The following DNAH14 variants were observed in gnomAD, a reference collection of about 807,000 sequenced individuals.
The protein encoded by DNAH14 is axonemal beta dynein heavy chain 14.
Under a neutral mutation model 520.9 loss-of-function variants are expected in DNAH14, and 478 were observed. That is an observed-to-expected ratio of 0.92 (90% CI 0.85 to 0.99). DNAH14 has a LOEUF of 0.99. Among genes scored for constraint, DNAH14 ranks in the 50% least tolerant of loss-of-function variants. DNAH14 has a pLI of 0.00. For missense variants in DNAH14, 4,831 were observed against 5,234.5 expected, an observed-to-expected ratio of 0.92 and a Z score of 2.38; for synonymous variants, 1,581 against 1,757.2, an observed-to-expected ratio of 0.90 and a Z score of 2.51.
At chr1:225,027,895 C>T (rs1002449684) in intron 11 of DNAH14, among the ~76,000 whole-genome samples, 2 of 151,664 alleles carry the variant, frequency 1.3e-5, no homozygotes, top group African/African-American at 2.4e-5. Flanking sequence ...TTGAGATGAC[C>T]GTATGTCTTT....
Position 224,951,644 on chromosome 1 carries a change from ATTT to A in DNAH14, c.-33-1004_-33-1002del, listed in dbSNP as rs67437504. ...TCATACCTACTGTGTAGATTTCTGG[ATTT>A]TTTTTTTTTTTTTTTTTTTTTGAGA... is the stretch of plus-strand genomic sequence containing the variant. On this transcript the variant is annotated intron_variant, in intron 1 of 85. Transcript: ENST00000682510. Among the ~76,000 whole-genome samples, 94 of 80,152 alleles carry A rather than the reference ATTT, an allele frequency of 1.2e-3. No homozygotes were observed. In the East Asian group the frequency reaches 0.017, roughly 15 times the overall value. 52.6% of individuals were successfully genotyped at this position (80,152 alleles called of 152,430 possible).
chr1:225,178,426 T>TC lies in DNAH14; in HGVS notation c.5536-6864dup, dbSNP rs563325720. ...AGATCTCATGAGACTTAATTCACTA[T>TC]CACAGGAATAGCAAGGGAAAGACGA... On this transcript the variant is annotated intron_variant, in intron 36 of 85. Transcript: ENST00000682510. Among the ~76,000 whole-genome samples, 16 of 152,214 alleles carry TC rather than the reference T, an allele frequency of 1.1e-4. 1 individual carries two copies. In the South Asian group the frequency reaches 3.3e-3, roughly 32 times the overall value.
intron 21 of DNAH14, among the ~76,000 whole-genome samples, chr1:225,095,691 G>A (rs751567930): frequency 7.9e-5 from 12 of 152,046 alleles, no homozygotes; most frequent in African/African-American, 1.9e-4. Flanking sequence ...GTAACAATAC[G>A]GATCAATCTC....
chr1:225,042,225 A>G (rs1216280196), intron 12 of DNAH14, among the ~76,000 whole-genome samples: 1 of 152,232 alleles, frequency 6.6e-6, no homozygotes, highest in Non-Finnish European at 1.5e-5. Context: ...ATTATGCAGT[A>G]GGTAACTTAA....
Position 225,322,677 on chromosome 1 carries a change from C to T in DNAH14, c.9349C>T (p.Pro3117Ser). The change falls in exon 62 of 86, where the codon CCT (proline) becomes TCT (serine). Residue 3117 changes from proline (P) to serine (S), a missense_variant. By Grantham distance (74) the Pro-to-Ser change is moderately conservative. Coordinates refer to ENST00000682510, the MANE Select transcript of DNAH14 (RefSeq NM_001367479.1). ...DVAELRVYTR[P>S]PFLVLTVMNA... ...CATCTATTACAGAGTATACACACGG[C>T]CTCCCTTCCTTGTACTGACTGTCAT... The T allele has an allele frequency of 6.5e-7, 1 of 1,539,328 alleles. No individual in the cohort carries two copies. The highest frequency in any genetic ancestry group is 8.8e-7 in the Non-Finnish European group (1 of 1,137,414).
intron 85 of DNAH14, 44 bp from the exon 86 acceptor site, chr1:225,399,010 T>G: frequency 7.2e-7 from 1 of 1,390,712 alleles, no homozygotes; most frequent in Non-Finnish European, 9.9e-7. Context: ...ACTGATTCAC[T>G]TGAACTATGC....
chr1:225,305,762 A>G (rs2094227011), intron 58 of DNAH14, among the ~76,000 whole-genome samples: 1 of 152,206 alleles, frequency 6.6e-6, no homozygotes, highest in Non-Finnish European at 1.5e-5. Context: ...CCATGGTGGA[A>G]CTATTCTTCT....
chr1:225,346,988 G>A (rs1018139401), intron 71 of DNAH14, among the ~76,000 whole-genome samples: 1 of 152,056 alleles, frequency 6.6e-6, no homozygotes, highest in African/African-American at 2.4e-5. Flanking sequence ...CGAAAACCTG[G>A]TTGAAAATTT....
At chr1:225,079,764 C>G (rs142822309) in intron 18 of DNAH14, among the ~76,000 whole-genome samples, 2,104 of 151,062 alleles carry the variant, frequency 0.014, 23 homozygotes, top group Non-Finnish European at 0.021. Flanking sequence ...AGCTCCGCCT[C>G]CCGGGTTCAC....
chr1:225,300,747 A>G (rs912903208), intron 55 of DNAH14, 122 bp from the exon 56 acceptor site: 2 of 1,088,812 alleles, frequency 1.8e-6, no homozygotes, highest in African/African-American at 3.3e-5. Context: ...TTTAAAAAAA[A>G]AAATCACTTA....
intron 23 of DNAH14, among the ~76,000 whole-genome samples, chr1:225,102,239 C>G (rs1573084409): frequency 6.6e-6 from 1 of 152,012 alleles, no homozygotes; most frequent in Admixed American, 6.6e-5. Context: ...TTTATGGCTG[C>G]ATAGTATTCC....
Position 225,381,382 on chromosome 1 carries a change from G to C in DNAH14, c.12881-1G>C. 6.5e-7 allele frequency: 1 copy of C among 1,532,458 alleles called. No homozygotes were observed. The highest frequency in any genetic ancestry group is 8.7e-7 in the Non-Finnish European group (1 of 1,142,960). The allele number at this position is 1,532,458 out of a possible 1,614,324, so 94.9% of individuals were successfully genotyped here. ...AAATTTTATTTCTTTTTAAAATCCA[G>C]ATCACGACCCCCTTATCCATTGTGT... On this transcript the variant is annotated splice_acceptor_variant, in intron 80 of 85. Coordinates refer to ENST00000682510, the MANE Select transcript of DNAH14 (RefSeq NM_001367479.1). LOFTEE classifies it high-confidence loss of function.
At chr1:225,129,694 A>G (rs2148942582) in intron 27 of DNAH14, among the ~76,000 whole-genome samples, 1 of 151,990 alleles carries the variant, frequency 6.6e-6, no homozygotes, top group South Asian at 2.1e-4. Context: ...CTTAAACGTT[A>G]GACCTAAAAC....
At chr1:225,283,130 G>T (rs1029715806) in intron 54 of DNAH14, among the ~76,000 whole-genome samples, 1 of 151,600 alleles carries the variant, frequency 6.6e-6, no homozygotes, top group African/African-American at 2.4e-5. Context: ...ACAAAAGAAT[G>T]GAGAAACAAA....
chr1:225,234,560 AT>A (rs1424539116), intron 42 of DNAH14, among the ~76,000 whole-genome samples: 1 of 152,002 alleles, frequency 6.6e-6, no homozygotes, highest in African/African-American at 2.4e-5. Flanking sequence ...ATTTTAAAGT[AT>A]TTTTTTCTAG....
At chr1:225,387,471 C>T (rs2095855390) in intron 81 of DNAH14, among the ~76,000 whole-genome samples, 3 of 152,116 alleles carry the variant, frequency 2.0e-5, no homozygotes, top group Admixed American at 2.0e-4. Flanking sequence ...TCAGCCTAGA[C>T]AGAGCCATGG....
In DNAH14 at chr1:225,290,013, G is replaced by A; in HGVS notation, c.8400G>A (p.Lys2800=). The A allele has an allele frequency of 1.3e-6, 2 of 1,537,970 alleles. No individual in the cohort carries two copies. The highest frequency in any genetic ancestry group is 1.8e-6 in the Non-Finnish European group (2 of 1,139,572). ...TCGAATTCAAAGAAGTCTTTAAAAA[G>A]GTGTTTATTCACGCAGGATTAAAAG... The part of the protein sequence containing the change: ...AYIEFKEVFK[K]VFIHAGLKGK... Residue 2800 remains lysine, a synonymous_variant, in exon 55 of 86, where the codon AAG becomes AAA. Coordinates refer to ENST00000682510, the MANE Select transcript of DNAH14 (RefSeq NM_001367479.1).
At chr1:225,380,458 CTG>C in intron 80 of DNAH14, 136 bp downstream of exon 80, 1 of 1,009,674 alleles carries the variant, frequency 9.9e-7, no homozygotes, top group Non-Finnish European at 1.4e-6. Flanking sequence ...AACTCAGTCT[CTG>C]CCTCCTCTCT....
intron 35 of DNAH14, among the ~76,000 whole-genome samples, chr1:225,160,918 A>G (rs558293927): frequency 3.1e-4 from 47 of 151,768 alleles, no homozygotes; most frequent in African/African-American, 9.7e-4. Flanking sequence ...TTTTGTTTCT[A>G]TTCTGTTTCC....
Sources: allele counts gnomAD v4.1 joint callset (sites outside exome capture counted in the v4.1 genomes callset), GRCh38; gene constraint gnomAD v4.1.1; transcripts MANE v1.5; gene names NCBI Gene and HGNC (gene_info 2026-07-23, HGNC 2026-07-21).